The following DCHS2 variants were observed in gnomAD, a reference collection of about 807,000 sequenced individuals.
The protein encoded by DCHS2 is protocadherin-23.
A neutral mutation model predicts 182.4 loss-of-function variants in DCHS2; 142 were observed. That is an observed-to-expected ratio of 0.78 (90% confidence interval 0.68 to 0.89). The LOEUF is 0.89. Ranked by LOEUF, DCHS2 falls within the 40% of genes least tolerant of loss-of-function variation. DCHS2 has a pLI of 0.00. For synonymous variants in DCHS2, 1,740 were observed against 1,663.3 expected (o/e 1.05, Z -1.12); for missense variants, 4,319 against 4,198.6 (o/e 1.03, Z -0.79).
At position 154,389,532 on chromosome 4, in the gene DCHS2, A is replaced by T. The variant is rs1212794851; in HGVS notation, c.2053-12088T>A. On this transcript the variant is annotated intron_variant, in intron 1 of 19. Transcript: ENST00000357232. Reference sequence around the variant, plus strand: ...AGACAAAGGTTATATATATATATATATATAACCTTTTTTTAAAGGACCTAA... The same window carrying T: ...AGACAAAGGTTATATATATATATATTTATAACCTTTTTTTAAAGGACCTAA... Among the ~76,000 whole-genome samples the T allele has an allele frequency of 1.4e-5, 2 of 147,312 alleles. 1 individual carries two copies. The highest frequency in any genetic ancestry group is 3.0e-5 in the Non-Finnish European group (2 of 66,260).
At chr4:154,250,468 T>G (rs1398085619) in intron 16 of DCHS2, among the ~76,000 whole-genome samples, 1 of 152,194 alleles carries the variant, frequency 6.6e-6, no homozygotes, top group East Asian at 1.9e-4. Flanking sequence ...TACAGATTAT[T>G]ATTTTCAATT....
Position 154,333,166 on chromosome 4 carries a change from G to C in DCHS2, c.3042C>G (p.Ile1014Met). 2.5e-6 allele frequency: 4 copies of C among 1,614,214 alleles called. No homozygotes were observed. Among genetic ancestry groups the C allele is most frequent in the Non-Finnish European group, 3.4e-6 (4 of 1,180,034 alleles). ...EDRDSGRNGL[I>M]RYSIASPQPG... ...GCTGCGGGCTGGCGATGGAGTACCG[G>C]ATGAGTCCGTTCCGCCCACTGTCTC... is the stretch of plus-strand genomic sequence containing the variant. The change falls in exon 5 of 20, where the codon ATC becomes ATG. Residue 1014 changes from isoleucine to methionine, a missense_variant. Coordinates refer to ENST00000357232, the MANE Select transcript of DCHS2 (RefSeq NM_001358235.2).
chr4:154,404,973 A>ATGG (rs1384158440), intron 1 of DCHS2, among the ~76,000 whole-genome samples: 5 of 152,254 alleles, frequency 3.3e-5, no homozygotes, highest in Middle Eastern at 3.4e-3. Context: ...TGGCATGGGC[A>ATGG]TGGTGGCTCA....
chr4:154,329,184 G>C (rs1274749557), intron 6 of DCHS2, among the ~76,000 whole-genome samples: 1 of 152,078 alleles, frequency 6.6e-6, no homozygotes, highest in Non-Finnish European at 1.5e-5. Context: ...ATCAATTGCC[G>C]TTAAGAAGCT....
intron 1 of DCHS2, among the ~76,000 whole-genome samples, chr4:154,487,995 C>T (rs978739613): frequency 5.3e-5 from 8 of 151,930 alleles, no homozygotes; most frequent in Non-Finnish European, 1.2e-4. Flanking sequence ...CTGGGGAACA[C>T]AGCTGGACCT....
At chr4:154,434,281 G>A (rs543981286) in intron 1 of DCHS2, among the ~76,000 whole-genome samples, 12 of 152,222 alleles carry the variant, frequency 7.9e-5, no homozygotes, top group African/African-American at 2.6e-4. Context: ...ATATAGCCAA[G>A]CATGGAGGTG....
At chr4:154,274,985 T>G (rs891248171) in intron 13 of DCHS2, among the ~76,000 whole-genome samples, 4 of 151,702 alleles carry the variant, frequency 2.6e-5, no homozygotes, top group Non-Finnish European at 4.4e-5. Flanking sequence ...GACCCCAACT[T>G]GAAACCCATC....
intron 13 of DCHS2, among the ~76,000 whole-genome samples, chr4:154,270,507 GGAA>G (rs1487097144): frequency 6.6e-6 from 1 of 151,814 alleles, no homozygotes; most frequent in Non-Finnish European, 1.5e-5. Context: ...AATGAGTAGG[GGAA>G]GAAGAAGAAG....
chr4:154,347,488 A>G (rs1729413908), intron 3 of DCHS2, among the ~76,000 whole-genome samples: 1 of 151,654 alleles, frequency 6.6e-6, no homozygotes, highest in African/African-American at 2.4e-5. Context: ...AATACCATTT[A>G]CTGTGCAGAA....
At chr4:154,317,290 A>G (rs1317762760) in intron 9 of DCHS2, among the ~76,000 whole-genome samples, 4 of 152,224 alleles carry the variant, frequency 2.6e-5, no homozygotes, top group Non-Finnish European at 4.4e-5. Context: ...ACAATCTGAA[A>G]TATACCTTTC....
intron 12 of DCHS2, among the ~76,000 whole-genome samples, chr4:154,300,057 G>A (rs1735134632): frequency 6.6e-6 from 1 of 152,156 alleles, no homozygotes; most frequent in South Asian, 2.1e-4. Flanking sequence ...TACAAGTTTT[G>A]GGGAGAGTGT....
chr4:154,253,122 G>C (rs532924977), intron 16 of DCHS2, among the ~76,000 whole-genome samples: 21 of 151,632 alleles, frequency 1.4e-4, no homozygotes, highest in African/African-American at 4.8e-4. Context: ...TGTGGGGAGA[G>C]CCCAGGGAGG....
intron 1 of DCHS2, among the ~76,000 whole-genome samples, chr4:154,385,629 G>A (rs914929585): frequency 6.6e-6 from 1 of 150,410 alleles, no homozygotes; most frequent in Non-Finnish European, 1.5e-5. Context: ...TGAGACTACA[G>A]GTGCAGGCCA....
chr4:154,337,711 T>C (rs1414245804), intron 3 of DCHS2, among the ~76,000 whole-genome samples: 1 of 151,814 alleles, frequency 6.6e-6, no homozygotes, highest in East Asian at 1.9e-4. Context: ...TCTTCTTTGA[T>C]GTAACAATTT....
chr4:154,310,522 C>T (rs532535546), intron 10 of DCHS2, among the ~76,000 whole-genome samples: 36 of 152,282 alleles, frequency 2.4e-4, no homozygotes, highest in Admixed American at 7.2e-4. Flanking sequence ...ACCAAACACT[C>T]CCACTACCTT....
At chr4:154,289,026 C>G (rs2111255285) in intron 13 of DCHS2, among the ~76,000 whole-genome samples, 1 of 151,878 alleles carries the variant, frequency 6.6e-6, no homozygotes, top group Non-Finnish European at 1.5e-5. Flanking sequence ...ATTAAAAAAG[C>G]AAGAGCAAAA....
intron 12 of DCHS2, among the ~76,000 whole-genome samples, chr4:154,302,220 AAACTT>A (rs1735216712): frequency 6.6e-6 from 1 of 152,222 alleles, no homozygotes. Flanking sequence ...TAATTGAAAA[AAACTT>A]AAGTAAAATT....
intron 13 of DCHS2, among the ~76,000 whole-genome samples, chr4:154,282,403 T>G (rs1287791380): frequency 6.6e-6 from 1 of 151,630 alleles, no homozygotes; most frequent in Non-Finnish European, 1.5e-5. Flanking sequence ...AAAGACGATA[T>G]CCAAACGGTC....
At chr4:154,402,756 A>G (rs1560737148) in intron 1 of DCHS2, among the ~76,000 whole-genome samples, 1 of 152,182 alleles carries the variant, frequency 6.6e-6, no homozygotes, top group Non-Finnish European at 1.5e-5. Flanking sequence ...TTGTTTTGAA[A>G]TGTGGGGACA....
Sources: gnomAD v4.1 joint callset for allele counts (sites outside exome capture counted in the v4.1 genomes callset) on GRCh38, gnomAD v4.1.1 for gene constraint, MANE v1.5 for transcripts, NCBI Gene and HGNC (gene_info 2026-07-23, HGNC 2026-07-21) for gene names.